The following XRRA1 variants were observed in gnomAD, a reference collection of about 807,000 sequenced individuals.
XRRA1 encodes X-ray radiation resistance-associated protein 1.
XRRA1 carries 69 observed loss-of-function variants against 80.2 expected under a neutral mutation model. The ratio of observed to expected loss-of-function variants is 0.86; its 90% CI spans 0.71 to 1.05. The LOEUF (loss-of-function observed/expected upper bound fraction) is 1.05, where lower values mean the gene tolerates loss of function less well. XRRA1 is among the 50% of genes least tolerant of loss of function. The pLI, the probability that XRRA1 is intolerant of heterozygous loss-of-function variation, is 0.00. For synonymous variants in XRRA1, 348 were observed against 389.9 expected, an observed-to-expected ratio of 0.89 and a Z score of 1.27; for missense variants, 967 against 976.4, an observed-to-expected ratio of 0.99 and a Z score of 0.13.
chr11:74,939,487 C>A (rs1034867258), intron 3 of XRRA1, among the ~76,000 whole-genome samples: 4 of 152,168 alleles, frequency 2.6e-5, no homozygotes, highest in African/African-American at 9.7e-5. Flanking sequence ...CTCAAACTGT[C>A]CCAGCTTTGG....
intron 2 of XRRA1, among the ~76,000 whole-genome samples, chr11:74,942,036 C>A (rs897375937): frequency 6.6e-6 from 1 of 151,932 alleles, no homozygotes; most frequent in Non-Finnish European, 1.5e-5. Flanking sequence ...CTGCTTAAGC[C>A]CAGGATGTCC....
rs376266994 is a variant in XRRA1 at position 74,907,255 on chromosome 11, C to T, written c.675G>A (p.Ser225=). The change falls in exon 9 of 19, where the codon TCG becomes TCA. Residue 225 remains serine (S), a synonymous_variant. Coordinates refer to ENST00000684022, the MANE Select transcript of XRRA1 (RefSeq NM_001378157.1). ...TCAGGATGTACCTCTTGCTTGTCAG[C>T]GATGTTACAGATGCCTCCCTGTGAG... ...AVAEQEASVT[S]LTSKRYILRF... The T allele has an allele frequency of 1.2e-4, 189 of 1,613,846 alleles. 1 individual carries two copies. The South Asian group carries it at 1.7e-3, about 15-fold the overall frequency.
chr11:74,936,329 A>G (rs76385913), intron 4 of XRRA1, among the ~76,000 whole-genome samples: 1,768 of 152,362 alleles, frequency 0.012, 47 homozygotes, highest in African/African-American at 0.04. Context: ...GCTTTCAGCC[A>G]GACACTAAAG....
chr11:74,894,860 T>C (rs2051838785), intron 10 of XRRA1, among the ~76,000 whole-genome samples: 1 of 152,112 alleles, frequency 6.6e-6, no homozygotes, highest in South Asian at 2.1e-4. Context: ...AAAGAAGATA[T>C]AAAACTGTCC....
chr11:74,947,502 C>T (rs1218177875), intron 1 of XRRA1, among the ~76,000 whole-genome samples: 3 of 152,036 alleles, frequency 2.0e-5, no homozygotes, highest in Admixed American at 6.5e-5. Flanking sequence ...CCCACCACTG[C>T]ACTCCAGCCT....
intron 8 of XRRA1, 89 bp downstream of exon 8, chr11:74,921,125 A>G (rs1389642736): frequency 2.6e-6 from 4 of 1,530,198 alleles, no homozygotes; most frequent in Non-Finnish European, 3.6e-6. Flanking sequence ...CTTACAGCCT[A>G]TCTTTATGGC....
intron 10 of XRRA1, among the ~76,000 whole-genome samples, chr11:74,864,557 C>G (rs1444749882): frequency 6.6e-6 from 1 of 152,196 alleles, no homozygotes; most frequent in African/African-American, 2.4e-5. Flanking sequence ...AAGCTTGCTC[C>G]CCAGTTCAAG....
Position 74,936,948 on chromosome 11 carries a change from T to A in XRRA1, c.215A>T (p.Lys72Met), listed in dbSNP as rs1253659545. The change falls in exon 4 of 19, where the codon AAG (lysine) becomes ATG (methionine). Residue 72 changes from lysine (K) to methionine (M), a missense_variant. Physicochemically the swap from Lys to Met is moderately conservative, Grantham distance 95. Transcript: ENST00000684022. ...CTGATTTTCCCGCCGAGACTCTTTC[T>A]TCCCCTTGAACTCAAAAGAAGTCGC... ...LKATSFEFKG[K>M]KESRRENQVD... The A allele has an allele frequency of 6.2e-7, 1 of 1,613,908 alleles. No individual in the cohort carries two copies. Among genetic ancestry groups the A allele is most frequent in the Admixed American group, 1.7e-5 (1 of 59,994 alleles).
chr11:74,925,009 G>GA (rs34453520), intron 7 of XRRA1, among the ~76,000 whole-genome samples: 1 of 152,176 alleles, frequency 6.6e-6, no homozygotes, highest in Non-Finnish European at 1.5e-5. Context: ...CTGCTGTACA[G>GA]AAAAAGTTTG....
At chr11:74,946,076 C>G (rs1821155592) in intron 1 of XRRA1, among the ~76,000 whole-genome samples, 1 of 152,150 alleles carries the variant, frequency 6.6e-6, no homozygotes, top group South Asian at 2.1e-4. Context: ...AATCCTCCCA[C>G]CTTAGCCTCC....
intron 8 of XRRA1, among the ~76,000 whole-genome samples, chr11:74,919,293 G>T (rs1043226658): frequency 4.6e-5 from 7 of 151,958 alleles, no homozygotes; most frequent in Non-Finnish European, 2.9e-5. Flanking sequence ...GCGTGATGGG[G>T]GCATAGATGA....
chr11:74,849,524 C>T (rs964222877), intron 14 of XRRA1, among the ~76,000 whole-genome samples: 10 of 152,170 alleles, frequency 6.6e-5, no homozygotes, highest in Admixed American at 2.0e-4. Context: ...GACACAGCAC[C>T]GCACCTCAGC....
chr11:74,910,333 T>C (rs192787285), intron 8 of XRRA1, among the ~76,000 whole-genome samples: 123 of 152,290 alleles, frequency 8.1e-4, no homozygotes, highest in African/African-American at 2.8e-3. Context: ...TAACAATTCA[T>C]CCTCTGCTCT....
chr11:74,896,189 G>A (rs1050407503), intron 10 of XRRA1, among the ~76,000 whole-genome samples: 38 of 152,350 alleles, frequency 2.5e-4, no homozygotes, highest in African/African-American at 7.9e-4. Flanking sequence ...GCACTGGCTC[G>A]GCCACAGTAA....
In XRRA1 at chr11:74,851,061, G is replaced by T. The variant is rs776694074; in HGVS notation, c.1380+27C>A. 2.2e-5 allele frequency: 34 copies of T among 1,580,218 alleles called. 1 individual carries two copies. The Admixed American group carries it at 5.7e-4, about 26-fold the overall frequency. On this transcript the variant is annotated intron_variant, in intron 14 of 18. Transcript: ENST00000684022. ...ATAATAGGCTGCACTCTTCCTGGGGGTGGGAGTCCTGCCTTGGAAGCCCTA... is the reference window on the plus strand; with the variant it reads ...ATAATAGGCTGCACTCTTCCTGGGGTTGGGAGTCCTGCCTTGGAAGCCCTA...
In XRRA1 at chr11:74,944,648, A is replaced by G. The variant is rs533854425; in HGVS notation, c.-5+370T>C. ...GTATAGCACTTATGACTTTATTATA[A>G]TTGTTTGCTCCCCTCATCAACTTCT... On this transcript the variant is annotated intron_variant, in intron 2 of 18. Coordinates refer to ENST00000684022, the MANE Select transcript of XRRA1 (RefSeq NM_001378157.1). Among the ~76,000 whole-genome samples, 49 of 152,244 alleles carry G rather than the reference A, an allele frequency of 3.2e-4. No individual in the cohort carries two copies. The South Asian group carries it at 1.0e-2, about 31-fold the overall frequency.
At position 74,936,854 on chromosome 11, in the gene XRRA1, C is replaced by G. The variant is rs764208093; in HGVS notation, c.279+30G>C. On this transcript the variant is annotated intron_variant, in intron 4 of 18. Transcript: ENST00000684022. ...CTTCCTCCCCACCCTAGCTGATGTG[C>G]TGGCCACTCCAGGATGCATTTACTC... is the stretch of plus-strand genomic sequence containing the variant. 7 of 1,599,116 alleles carry G rather than the reference C, an allele frequency of 4.4e-6. No individual in the cohort carries two copies. In the South Asian group the frequency reaches 6.8e-5, roughly 15 times the overall value.
At chr11:74,856,410 T>C (rs1286868221) in intron 12 of XRRA1, among the ~76,000 whole-genome samples, 1 of 152,114 alleles carries the variant, frequency 6.6e-6, no homozygotes, top group South Asian at 2.1e-4. Flanking sequence ...AGAAAACTAC[T>C]GAATAATCTA....
intron 15 of XRRA1, among the ~76,000 whole-genome samples, chr11:74,847,237 AAGAAAT>A (rs1199827928): frequency 2.0e-5 from 3 of 152,226 alleles, no homozygotes; most frequent in East Asian, 1.9e-4. Flanking sequence ...TCTGTGGAAA[AAGAAAT>A]AGATGGAGAG....
Sources: allele counts gnomAD v4.1 joint callset (sites outside exome capture counted in the v4.1 genomes callset), GRCh38; gene constraint gnomAD v4.1.1; transcripts MANE v1.5; gene names NCBI Gene and HGNC (gene_info 2026-07-23, HGNC 2026-07-21).